Variants in PHF8 observed in about 807,000 individuals in gnomAD.
PHF8 encodes histone lysine demethylase PHF8.
A neutral mutation model predicts 74.4 loss-of-function variants in PHF8; 9 were observed. The observed-to-expected ratio is 0.12, with a 90% CI of 0.07 to 0.21. PHF8 has a LOEUF of 0.21. Among genes scored for constraint, PHF8 ranks in the 10% least tolerant of loss-of-function variants. The pLI is 1.00. For synonymous variants in PHF8, 311 were observed against 316.6 expected, an observed-to-expected ratio of 0.98 and a Z score of 0.19; for missense variants, 478 against 816.6, an observed-to-expected ratio of 0.59 and a Z score of 5.05.
chrX:53,943,745 C>A lies in PHF8; in HGVS notation c.2649+389G>T, dbSNP rs192703943. Among the ~76,000 whole-genome samples the A allele has an allele frequency of 1.2e-4, 13 of 111,414 alleles. 1 individual carries two copies. Among genetic ancestry groups the A allele is most frequent in the South Asian group, 3.7e-4 (1 of 2,674 alleles). ...AGGACAAGAAAAATTTCTAATCAAC[C>A]AAATTCCAATACTGGTGGGTGGCTG... On this transcript the variant is annotated intron_variant, in intron 20 of 21. Coordinates refer to ENST00000338154, the MANE Select transcript of PHF8 (RefSeq NM_015107.3).
At position 53,979,011 on chromosome X, in the gene PHF8, T is replaced by G. The variant is rs151091928; in HGVS notation, c.2443+5903A>C. Among the ~76,000 whole-genome samples, 696 of 110,948 alleles carry G rather than the reference T, an allele frequency of 6.3e-3. 8 individuals carry two copies. The highest frequency in any genetic ancestry group is 0.026 in the South Asian group (69 of 2,650). On this transcript the variant is annotated intron_variant, in intron 18 of 21. Transcript: ENST00000338154. ...TAGGGAGTGATCAAAGGGCTCTGTATCCTGATTATGGTGGCTGGAAGAATA... is the reference window on the plus strand; with the variant it reads ...TAGGGAGTGATCAAAGGGCTCTGTAGCCTGATTATGGTGGCTGGAAGAATA...
In PHF8 at chrX:53,982,868, A is replaced by G. The variant is rs905868251; in HGVS notation, c.2443+2046T>C. On this transcript the variant is annotated intron_variant, in intron 18 of 21. Transcript: ENST00000338154. ...GGGAAAATATAAGAAGGCCTTCTTA[A>G]TCAAAACATAAAATACAAAAAACTA... Among the ~76,000 whole-genome samples, 4 of 112,764 alleles carry G rather than the reference A, an allele frequency of 3.5e-5. No homozygotes were observed. The South Asian group carries it at 1.4e-3, about 41-fold the overall frequency.
chrX:53,988,003 T>C (rs964697138), intron 14 of PHF8, 59 bp from the exon 15 acceptor site: 22 of 906,452 alleles, frequency 2.4e-5, no homozygotes, highest in South Asian at 4.1e-5. Context: ...GCTAGCAAGA[T>C]TGCAATTCTC....
intron 11 of PHF8, among the ~76,000 whole-genome samples, chrX:53,996,202 C>T (rs977208040): frequency 5.4e-5 from 6 of 110,369 alleles, no homozygotes; most frequent in South Asian, 3.9e-4. Flanking sequence ...CTGCAACCCC[C>T]GCCTCCCGGG....
intron 2 of PHF8, among the ~76,000 whole-genome samples, chrX:54,030,547 A>G (rs2066338082): frequency 2.7e-5 from 3 of 112,117 alleles, no homozygotes; most frequent in Admixed American, 9.5e-5. Context: ...GACATTTTAG[A>G]GCGGGAGACA....
chrX:53,948,352 A>G (rs781983191), intron 19 of PHF8, among the ~76,000 whole-genome samples: 6 of 111,612 alleles, frequency 5.4e-5, no homozygotes, highest in Non-Finnish European at 9.4e-5. Context: ...TACTCACTGC[A>G]ACCTCCACCT....
intron 2 of PHF8, among the ~76,000 whole-genome samples, chrX:54,032,448 C>T (rs1428517593): frequency 4.5e-5 from 5 of 110,525 alleles, no homozygotes; most frequent in African/African-American, 1.6e-4. Context: ...GGTCTGCTCC[C>T]CACTTGGGTC....
chrX:54,046,532 G>A (rs1007780338), upstream of PHF8, among the ~76,000 whole-genome samples: 12 of 107,414 alleles, frequency 1.1e-4, no homozygotes, highest in African/African-American at 4.1e-4. Flanking sequence ...GCAGTGATCC[G>A]AGACTGTGTC....
intron 10 of PHF8, among the ~76,000 whole-genome samples, chrX:54,001,115 C>T (rs1390193558): frequency 1.8e-5 from 2 of 111,469 alleles, no homozygotes; most frequent in Non-Finnish European, 3.8e-5. Context: ...ATCACGAGGT[C>T]AAGAGATTGA....
chrX:54,022,189 C>G, intron 4 of PHF8, 70 bp downstream of exon 4: 1 of 627,138 alleles, frequency 1.6e-6, no homozygotes, highest in Non-Finnish European at 2.8e-6. Context: ...ACTGGGAAAG[C>G]TGGGAAGAGG....
chrX:54,035,443 T>C (rs2066436582), intron 2 of PHF8, among the ~76,000 whole-genome samples: 1 of 110,857 alleles, frequency 9.0e-6, no homozygotes, highest in Admixed American at 9.6e-5. Context: ...TGGTAAGTTA[T>C]ATGTATAATG....
At chrX:54,018,453 CTTTT>C (rs781948184) in intron 4 of PHF8, among the ~76,000 whole-genome samples, 8 of 76,673 alleles carry the variant, frequency 1.0e-4, no homozygotes, top group East Asian at 9.2e-4. Context: ...GAGTCCCTGT[CTTTT>C]TTTTTTTTTT....
intron 2 of PHF8, among the ~76,000 whole-genome samples, chrX:54,038,212 G>A (rs2066494226): frequency 8.9e-6 from 1 of 112,102 alleles, no homozygotes; most frequent in Non-Finnish European, 1.9e-5. Flanking sequence ...ATTGCATTTT[G>A]AACAAATTCC....
At chrX:53,942,041 C>T (rs2064758741) in intron 20 of PHF8, among the ~76,000 whole-genome samples, 1 of 111,734 alleles carries the variant, frequency 8.9e-6, no homozygotes. Context: ...ATTTTGCTAC[C>T]TTTGCTGCCA....
Position 53,985,860 on chromosome X carries a change from G to A in PHF8, c.2085C>T (p.Leu695=). Residue 695 remains leucine (L), a synonymous_variant, in exon 17 of 22, where the codon CTC becomes CTT. Transcript: ENST00000338154. ...GSGAGGILDL[L]KASRQVGGPD... ...GTCCCCCCACCTGCCTGCTGGCCTTGAGCAGATCAAGAATGCCACCAGCGC... is the reference window on the plus strand; with the variant it reads ...GTCCCCCCACCTGCCTGCTGGCCTTAAGCAGATCAAGAATGCCACCAGCGC... The A allele has an allele frequency of 8.3e-7, 1 of 1,210,636 alleles. No individual in the cohort carries two copies. Among genetic ancestry groups the A allele is most frequent in the Non-Finnish European group, 1.1e-6 (1 of 894,663 alleles).
At chrX:53,947,174 G>A (rs2064844653) in intron 19 of PHF8, among the ~76,000 whole-genome samples, 1 of 111,054 alleles carries the variant, frequency 9.0e-6, no homozygotes, top group African/African-American at 3.3e-5. Flanking sequence ...ACCATGCCCG[G>A]CTAATTTTTG....
chrX:54,034,504 G>T (rs1048266365), intron 2 of PHF8, among the ~76,000 whole-genome samples: 1 of 111,439 alleles, frequency 9.0e-6, no homozygotes, highest in African/African-American at 3.3e-5. Context: ...AAAACTAAAC[G>T]TATCTGTTGC....
At chrX:53,966,033 A>C (rs1557092446) in intron 18 of PHF8, among the ~76,000 whole-genome samples, 1 of 111,968 alleles carries the variant, frequency 8.9e-6, no homozygotes, top group East Asian at 2.8e-4. Context: ...AACAAAAGGA[A>C]ACCAGAAGAA....
intron 2 of PHF8, among the ~76,000 whole-genome samples, chrX:54,035,430 T>TTGACA (rs141408350): frequency 0.12 from 13,578 of 110,241 alleles, 891 homozygotes; most frequent in African/African-American, 0.23. Flanking sequence ...GAGCAGTTGC[T>TTGACA]TATGGTAAGT....
Sources: allele counts gnomAD v4.1 joint callset (sites outside exome capture counted in the v4.1 genomes callset), GRCh38; gene constraint gnomAD v4.1.1; transcripts MANE v1.5; gene names NCBI Gene and HGNC (gene_info 2026-07-23, HGNC 2026-07-21).